PATJ: variants seen among roughly 807,000 people sequenced by gnomAD.
PATJ encodes PATJ crumbs cell polarity complex component.
Under a neutral mutation model 224.9 loss-of-function variants are expected in PATJ, and 190 were observed. The ratio of observed to expected loss-of-function variants is 0.84; its 90% CI spans 0.75 to 0.95. The LOEUF is 0.95. PATJ is among the 40% of genes least tolerant of loss of function. The pLI, the probability that PATJ is intolerant of heterozygous loss-of-function variation, is 0.00. For missense variants in PATJ, 2,121 were observed against 2,270.3 expected (o/e 0.93, Z 1.34); for synonymous variants, 769 against 820.3 (o/e 0.94, Z 1.07).
chr1:61,766,373 T>C lies in PATJ; in HGVS notation c.284T>C (p.Val95Ala). 1 of 1,611,080 alleles carries C rather than the reference T, an allele frequency of 6.2e-7. No individual in the cohort carries two copies. The highest frequency in any genetic ancestry group is 8.5e-7 in the Non-Finnish European group (1 of 1,178,120). Residue 95 changes from valine to alanine, a missense_variant, in exon 4 of 44, where the codon GTC becomes GCC. Val to Ala is a moderately conservative substitution (Grantham distance 64, BLOSUM62 0). Coordinates refer to ENST00000642238, the MANE Select transcript of PATJ (RefSeq NM_001350145.3). ...FTDGSITNGNVHRPSNNSTVS... is the reference protein window; with the variant it reads ...FTDGSITNGNAHRPSNNSTVS... The stretch of plus-strand genomic sequence containing the variant: ...GATGGTTCCATCACTAATGGAAATG[T>C]CCACAGGCCCTCTAATAACTCGACT...
intron 14 of PATJ, among the ~76,000 whole-genome samples, chr1:61,812,992 C>T (rs1655168188): frequency 6.6e-6 from 1 of 151,844 alleles, no homozygotes; most frequent in Admixed American, 6.6e-5. Flanking sequence ...TTTGCTTTTC[C>T]AGGGTTTCCT....
At chr1:62,092,414 C>T (rs1042010287) in intron 33 of PATJ, among the ~76,000 whole-genome samples, 2 of 151,066 alleles carry the variant, frequency 1.3e-5, no homozygotes, top group African/African-American at 2.4e-5. Flanking sequence ...GCACTATTCT[C>T]TTTTTAGATT....
intron 18 of PATJ, among the ~76,000 whole-genome samples, chr1:61,857,053 T>C (rs1414995730): frequency 6.6e-6 from 1 of 152,218 alleles, no homozygotes; most frequent in Non-Finnish European, 1.5e-5. Context: ...TTGTAACTCC[T>C]AGCATCAAGA....
chr1:61,963,153 A>T (rs1432756828), intron 27 of PATJ, among the ~76,000 whole-genome samples: 4 of 152,252 alleles, frequency 2.6e-5, no homozygotes, highest in Admixed American at 2.6e-4. Flanking sequence ...GGTAGGTTAA[A>T]GATCAGCATA....
At chr1:62,141,754 T>G (rs1667527466) in intron 41 of PATJ, among the ~76,000 whole-genome samples, 1 of 151,188 alleles carries the variant, frequency 6.6e-6, no homozygotes, top group Non-Finnish European at 1.5e-5. Context: ...GTTGATCACC[T>G]GAGGTCGAGT....
intron 33 of PATJ, among the ~76,000 whole-genome samples, chr1:62,090,377 T>A (rs1660584115): frequency 6.6e-6 from 1 of 152,180 alleles, no homozygotes; most frequent in Non-Finnish European, 1.5e-5. Flanking sequence ...TGAGATAACC[T>A]TGTCCTAGAA....
chr1:62,032,288 C>A (rs999170623), intron 29 of PATJ, among the ~76,000 whole-genome samples: 1 of 151,612 alleles, frequency 6.6e-6, no homozygotes, highest in Non-Finnish European at 1.5e-5. Context: ...CTGAAGCAAA[C>A]AATGGTGCTT....
At chr1:62,013,350 G>A (rs1042627029) in intron 28 of PATJ, 10 of 984,930 alleles carry the variant, frequency 1.0e-5, no homozygotes, top group South Asian at 9.4e-5. Flanking sequence ...TAGTCACTTC[G>A]AAGGCTGGAG....
chr1:61,952,132 G>T (rs898854594), intron 27 of PATJ: 27 of 438,468 alleles, frequency 6.2e-5, no homozygotes, highest in African/African-American at 5.1e-4. Context: ...AGTTTTCCAG[G>T]CAGCTTTCAC....
chr1:61,948,390 A>G (rs1215267517), intron 27 of PATJ, among the ~76,000 whole-genome samples: 2 of 152,236 alleles, frequency 1.3e-5, no homozygotes, highest in East Asian at 3.8e-4. Flanking sequence ...AACCCCATCA[A>G]AAAGTGGGCA....
At chr1:62,120,911 G>C (rs1444145064) in intron 37 of PATJ, 1 of 372,810 alleles carries the variant, frequency 2.7e-6, no homozygotes. Context: ...AAGAACAGCT[G>C]AAATGATTCT....
At chr1:61,907,114 C>T (rs928740543) in intron 24 of PATJ, among the ~76,000 whole-genome samples, 2 of 152,108 alleles carry the variant, frequency 1.3e-5, no homozygotes, top group Non-Finnish European at 2.9e-5. Flanking sequence ...GTTTGCTTCC[C>T]CTTCCCCTAT....
At chr1:61,828,243 CAA>C (rs1269784220) in intron 16 of PATJ, among the ~76,000 whole-genome samples, 25 of 89,956 alleles carry the variant, frequency 2.8e-4, no homozygotes, top group Admixed American at 3.8e-4. Context: ...AACTCCATCT[CAA>C]AAAAAAAAAA....
intron 39 of PATJ, among the ~76,000 whole-genome samples, chr1:62,125,254 C>CAAAAAAAAAAAAAAAAAA (rs779305398): frequency 5.6e-5 from 4 of 71,400 alleles, no homozygotes; most frequent in South Asian, 4.6e-4. Flanking sequence ...AAAAAAAAAA[C>CAAAAAAAAAAAAAAAAAA]AAAAAAAAAC....
chr1:61,802,020 T>A (rs1024930007), intron 12 of PATJ, among the ~76,000 whole-genome samples: 3 of 151,888 alleles, frequency 2.0e-5, no homozygotes, highest in African/African-American at 7.3e-5. Flanking sequence ...ATGTGCAATG[T>A]TAGTGTGCTG....
At chr1:61,906,249 T>A (rs758659484) in intron 24 of PATJ, among the ~76,000 whole-genome samples, 6 of 152,188 alleles carry the variant, frequency 3.9e-5, no homozygotes, top group Non-Finnish European at 8.8e-5. Context: ...CCTTCCAGCA[T>A]GTCAACATGT....
At chr1:61,773,089 C>T (rs990487681) in intron 6 of PATJ, among the ~76,000 whole-genome samples, 29 of 152,034 alleles carry the variant, frequency 1.9e-4, no homozygotes, top group African/African-American at 6.8e-4. Flanking sequence ...GGCGTGATCT[C>T]GGCTCACTGC....
chr1:61,796,734 TTC>T (rs1166608938), intron 10 of PATJ, among the ~76,000 whole-genome samples: 9 of 84,856 alleles, frequency 1.1e-4, no homozygotes, highest in African/African-American at 4.0e-4. Flanking sequence ...TTTTCTTTCT[TTC>T]TTTCTTTTTT....
Position 62,128,808 on chromosome 1 carries a change from G to T in PATJ, c.5167-33G>T, listed in dbSNP as rs144432319. The T allele has an allele frequency of 8.9e-4, 1,226 of 1,375,390 alleles. 15 individuals are homozygous for T. The African/African-American group carries it at 0.015, about 17-fold the overall frequency. The allele number at this position is 1,375,390 out of a possible 1,614,324, so 85.2% of individuals were successfully genotyped here. ...CTTCTCAAATTTAATTTTTCTTAAT[G>T]ATAGTGATTTTCTGTCATTTTTGTA... On this transcript the variant is annotated intron_variant, in intron 40 of 43. Coordinates refer to ENST00000642238, the MANE Select transcript of PATJ (RefSeq NM_001350145.3).
Sources: gnomAD v4.1 joint callset for allele counts (sites outside exome capture counted in the v4.1 genomes callset) on GRCh38, gnomAD v4.1.1 for gene constraint, MANE v1.5 for transcripts, NCBI Gene and HGNC (gene_info 2026-07-23, HGNC 2026-07-21) for gene names.